EGFR: variants seen among roughly 807,000 people sequenced by gnomAD.
EGFR encodes the protein epidermal growth factor receptor, also known as avian erythroblastic leukemia viral (v-erb-b) oncogene homolog.
Under a neutral mutation model 143.0 loss-of-function variants are expected in EGFR, and 58 were observed. That is an observed-to-expected ratio of 0.41 (90% CI 0.33 to 0.50). EGFR has a LOEUF of 0.50. Among genes scored for constraint, EGFR ranks in the 20% least tolerant of loss-of-function variants. The pLI, the probability that EGFR is intolerant of heterozygous loss-of-function variation, is 0.39. For missense variants in EGFR, 1,307 were observed against 1,579.0 expected (o/e 0.83, Z 2.92); for synonymous variants, 613 against 594.4 (o/e 1.03, Z -0.45).
chr7:55,065,730 A>C (rs905910770), intron 1 of EGFR, among the ~76,000 whole-genome samples: 4 of 152,062 alleles, frequency 2.6e-5, no homozygotes, highest in African/African-American at 9.7e-5. Flanking sequence ...CCCCAGAGAA[A>C]AGTGGCCATT....
At position 55,143,349 on chromosome 7, in the gene EGFR, A is replaced by G. The variant is rs1794574828; in HGVS notation, c.285A>G (p.Thr95=). 1 of 1,614,074 alleles carries G rather than the reference A, an allele frequency of 6.2e-7. No individual in the cohort carries two copies. Among genetic ancestry groups the G allele is most frequent in the Non-Finnish European group, 8.5e-7 (1 of 1,180,054 alleles). The stretch of plus-strand genomic sequence containing the variant: ...GTTATGTCCTCATTGCCCTCAACAC[A>G]GTGGAGCGAATTCCTTTGGAAAACC... The part of the protein sequence containing the change: ...VAGYVLIALN[T]VERIPLENLQ... The change falls in exon 3 of 28, where the codon ACA becomes ACG. Residue 95 remains threonine (T), a synonymous_variant. Transcript: ENST00000275493.
At chr7:55,044,033 G>A (rs1273939768) in intron 1 of EGFR, 1 of 152,186 alleles carries the variant, frequency 6.6e-6, no homozygotes, top group Admixed American at 6.5e-5. Flanking sequence ...CACTTGCTCA[G>A]AAAGGAATCA....
chr7:55,097,038 G>A (rs555652613), intron 1 of EGFR, among the ~76,000 whole-genome samples: 3 of 152,254 alleles, frequency 2.0e-5, no homozygotes, highest in Admixed American at 6.5e-5. Flanking sequence ...TGAAATTGTG[G>A]CTTGCCCGAG....
chr7:55,111,882 T>A (rs1005995267), intron 1 of EGFR, among the ~76,000 whole-genome samples: 3 of 152,260 alleles, frequency 2.0e-5, no homozygotes, highest in African/African-American at 7.2e-5. Context: ...TACATCACTG[T>A]GTGCCAGGCA....
At chr7:55,198,991 A>C (rs774470442) in intron 23 of EGFR, 128 bp downstream of exon 23, 8 of 1,249,590 alleles carry the variant, frequency 6.4e-6, no homozygotes, top group Non-Finnish European at 9.1e-6. Flanking sequence ...ACACAAATCC[A>C]GAAACATCTG....
intron 1 of EGFR, among the ~76,000 whole-genome samples, chr7:55,108,053 G>A (rs1208828598): frequency 6.6e-6 from 1 of 152,164 alleles, no homozygotes; most frequent in Non-Finnish European, 1.5e-5. Flanking sequence ...AGATGAAGTT[G>A]AGACAAAAGT....
chr7:55,091,980 G>C (rs1223854930), intron 1 of EGFR, among the ~76,000 whole-genome samples: 1 of 150,910 alleles, frequency 6.6e-6, no homozygotes, highest in African/African-American at 2.4e-5. Context: ...GTTTATTAAT[G>C]ATTAATCTAC....
At chr7:55,108,661 G>A (rs1298426369) in intron 1 of EGFR, among the ~76,000 whole-genome samples, 1 of 152,226 alleles carries the variant, frequency 6.6e-6, no homozygotes, top group Non-Finnish European at 1.5e-5. Flanking sequence ...GTTGCAGGTA[G>A]GAGGGCCATC....
chr7:55,087,776 A>G (rs1417039232), intron 1 of EGFR, among the ~76,000 whole-genome samples: 2 of 152,168 alleles, frequency 1.3e-5, no homozygotes, highest in Non-Finnish European at 2.9e-5. Context: ...ACTGACCAAC[A>G]GCTGAGGCCT....
intron 1 of EGFR, among the ~76,000 whole-genome samples, chr7:55,136,976 G>C (rs1794179269): frequency 6.6e-6 from 1 of 152,202 alleles, no homozygotes; most frequent in Admixed American, 6.5e-5. Context: ...TGTATATCTG[G>C]TAGGGAAAGA....
At chr7:55,057,554 T>C (rs1327822913) in intron 1 of EGFR, among the ~76,000 whole-genome samples, 1 of 152,228 alleles carries the variant, frequency 6.6e-6, no homozygotes, top group African/African-American at 2.4e-5. Flanking sequence ...AAAGGATATG[T>C]GTGTGAGAGG....
chr7:55,019,168 G>T lies in EGFR; in HGVS notation c.-110G>T. 1 of 905,896 alleles carries T rather than the reference G, an allele frequency of 1.1e-6. No homozygotes were observed. Among genetic ancestry groups the T allele is most frequent in the East Asian group, 3.7e-5 (1 of 27,082 alleles). 56.1% of individuals were successfully genotyped at this position (905,896 alleles called of 1,614,324 possible). A position where few individuals can be genotyped will look rare whatever the true frequency, so the allele number is the denominator to read the frequency against. On this transcript the variant is annotated 5_prime_UTR_variant, in exon 1 of 28. Coordinates refer to ENST00000275493, the MANE Select transcript of EGFR (RefSeq NM_005228.5). Reference sequence around the variant, plus strand: ...CCGGACGACAGGCCACCTCGTCGGCGTCCGCCCGAGTCCCCGCCTCGCCGC... The same window carrying T: ...CCGGACGACAGGCCACCTCGTCGGCTTCCGCCCGAGTCCCCGCCTCGCCGC...
At chr7:55,130,142 G>A (rs1793751732) in intron 1 of EGFR, among the ~76,000 whole-genome samples, 1 of 152,124 alleles carries the variant, frequency 6.6e-6, no homozygotes, top group Non-Finnish European at 1.5e-5. Context: ...GGCAAGCGCT[G>A]CTTCAGGCTC....
chr7:55,138,566 A>G (rs533676527), intron 1 of EGFR, among the ~76,000 whole-genome samples: 43 of 152,334 alleles, frequency 2.8e-4, no homozygotes, highest in Non-Finnish European at 4.9e-4. Context: ...GCAGATCCAA[A>G]CATCTCAGTT....
At chr7:55,155,972 G>A (rs751901318) in intron 8 of EGFR, 26 bp downstream of exon 8, 10 of 1,570,374 alleles carry the variant, frequency 6.4e-6, no homozygotes, top group African/African-American at 4.1e-5. Flanking sequence ...GTGTGCGGAC[G>A]AGGCTTGTTC....
At chr7:55,028,890 T>C (rs1346238120) in intron 1 of EGFR, among the ~76,000 whole-genome samples, 3 of 152,224 alleles carry the variant, frequency 2.0e-5, no homozygotes, top group Non-Finnish European at 4.4e-5. Context: ...CTGGGCTCAG[T>C]GGCTCATGCC....
intron 1 of EGFR, among the ~76,000 whole-genome samples, chr7:55,066,689 G>A (rs781181521): frequency 7.9e-5 from 12 of 152,126 alleles, no homozygotes; most frequent in African/African-American, 1.7e-4. Flanking sequence ...TGGGGTTCAC[G>A]CAGGTTCTCT....
rs573834285 is a variant in EGFR at position 55,059,677 on chromosome 7, A to G, written c.88+40312A>G. On this transcript the variant is annotated intron_variant, in intron 1 of 27. Transcript: ENST00000275493. Reference sequence around the variant, plus strand: ...TGGCAACCATTTAACTTTTGACTGAATGGATTTATTCTTATTCTGCCTTAT... The same window carrying G: ...TGGCAACCATTTAACTTTTGACTGAGTGGATTTATTCTTATTCTGCCTTAT... Among the ~76,000 whole-genome samples, 5 of 152,228 alleles carry G rather than the reference A, an allele frequency of 3.3e-5. No individual in the cohort carries two copies. The South Asian group carries it at 1.0e-3, about 32-fold the overall frequency.
intron 18 of EGFR, among the ~76,000 whole-genome samples, 166 bp from the exon 19 acceptor site, chr7:55,174,556 G>A (rs934003939): frequency 8.5e-5 from 13 of 152,134 alleles, no homozygotes; most frequent in Non-Finnish European, 1.3e-4. Context: ...GCAGGGCTGC[G>A]GGGGCGTCAC....
Sources: gnomAD v4.1 joint callset for allele counts (sites outside exome capture counted in the v4.1 genomes callset) on GRCh38, gnomAD v4.1.1 for gene constraint, MANE v1.5 for transcripts, NCBI Gene and HGNC (gene_info 2026-07-23, HGNC 2026-07-21) for gene names.